The following CACNA1C variants were observed in gnomAD, a reference collection of about 807,000 sequenced individuals.
The protein encoded by CACNA1C is calcium voltage-gated channel subunit alpha1 C.
A neutral mutation model predicts 229.0 loss-of-function variants in CACNA1C; 30 were observed. That is an observed-to-expected ratio of 0.13 (90% CI 0.10 to 0.18). The LOEUF is 0.18. Ranked by LOEUF, CACNA1C falls within the 10% of genes least tolerant of loss-of-function variation. The pLI is 1.00. For synonymous variants in CACNA1C, 1,114 were observed against 1,132.5 expected, an observed-to-expected ratio of 0.98 and a Z score of 0.33; for missense variants, 1,658 against 2,845.0, an observed-to-expected ratio of 0.58 and a Z score of 9.49.
At chr12:2,426,945 T>A (rs2099038167) in intron 3 of CACNA1C, among the ~76,000 whole-genome samples, 1 of 152,234 alleles carries the variant, frequency 6.6e-6, no homozygotes, top group African/African-American at 2.4e-5. Context: ...TCCACCATAT[T>A]CTTTTGGTCA....
chr12:2,120,692 G>GTGTGTGTGTGTGTT (rs764879260), intron 3 of CACNA1C, among the ~76,000 whole-genome samples: 2,428 of 150,538 alleles, frequency 0.016, 33 homozygotes, highest in East Asian at 0.047. Flanking sequence ...GTGTGTGTGT[G>GTGTGTGTGTGTGTT]TGTGTTTAGT....
At chr12:2,565,491 A>G (rs1568456194) in intron 11 of CACNA1C, among the ~76,000 whole-genome samples, 1 of 151,620 alleles carries the variant, frequency 6.6e-6, no homozygotes, top group Admixed American at 6.6e-5. Context: ...AAAAAAAAAA[A>G]AAAAATACCC....
At chr12:2,485,864 T>G (rs957343063) in intron 5 of CACNA1C, among the ~76,000 whole-genome samples, 7 of 152,192 alleles carry the variant, frequency 4.6e-5, no homozygotes, top group African/African-American at 1.7e-4. Context: ...CCCTTGGAAG[T>G]ACAGCAGCTG....
intron 3 of CACNA1C, among the ~76,000 whole-genome samples, chr12:2,261,228 T>C (rs1345506769): frequency 1.3e-5 from 2 of 150,378 alleles, no homozygotes; most frequent in African/African-American, 4.9e-5. Flanking sequence ...CGAGACTCCG[T>C]CTCAAAAAAA....
At chr12:2,543,703 C>T (rs180833083) in intron 9 of CACNA1C, among the ~76,000 whole-genome samples, 1 of 152,146 alleles carries the variant, frequency 6.6e-6, no homozygotes, top group Non-Finnish European at 1.5e-5. Context: ...CTTATGTGAA[C>T]CATCCAGGGA....
intron 34 of CACNA1C, among the ~76,000 whole-genome samples, chr12:2,661,316 A>ACAC (rs1569115699): frequency 2.3e-5 from 3 of 128,496 alleles, no homozygotes; most frequent in East Asian, 2.3e-4. Flanking sequence ...CACACACACA[A>ACAC]GATTTTTCTA....
Position 2,602,367 on chromosome 12 carries a change from A to G in CACNA1C, c.2960+407A>G, listed in dbSNP as rs2072881510. Among the ~76,000 whole-genome samples, 1 of 151,926 alleles carries G rather than the reference A, an allele frequency of 6.6e-6. No individual in the cohort carries two copies. Among genetic ancestry groups the G allele is most frequent in the South Asian group, 2.1e-4 (1 of 4,814 alleles). On this transcript the variant is annotated intron_variant, in intron 22 of 46. Transcript: ENST00000399655. The surrounding 1 kb of genome is among the most constrained non-coding windows in gnomAD (Gnocchi z 4.4). ...CTCCCTTTCTCTCCCCTCTCTCTCC[A>G]GCCAAAGCACCTCATGTATGAGTGT... is the stretch of plus-strand genomic sequence containing the variant.
intron 1 of CACNA1C, among the ~76,000 whole-genome samples, chr12:2,107,900 G>T (rs564538040): frequency 1.7e-3 from 258 of 152,300 alleles, no homozygotes; most frequent in Middle Eastern, 6.8e-3. Flanking sequence ...CAAGGACTTT[G>T]TCTTAATACA....
intron 12 of CACNA1C, among the ~76,000 whole-genome samples, chr12:2,567,232 G>T (rs2051543969): frequency 6.6e-6 from 1 of 152,196 alleles, no homozygotes; most frequent in South Asian, 2.1e-4. Flanking sequence ...TGTTTGGCCT[G>T]CACAGGCTAC....
At position 2,177,290 on chromosome 12, in the gene CACNA1C, C is replaced by T. The variant is rs904981936; in HGVS notation, c.477+56860C>T. Among the ~76,000 whole-genome samples, 15 of 152,170 alleles carry T rather than the reference C, an allele frequency of 9.9e-5. 1 individual carries two copies. Among genetic ancestry groups the T allele is most frequent in the Non-Finnish European group, 1.9e-4 (13 of 68,034 alleles). On this transcript the variant is annotated intron_variant, in intron 3 of 46. Coordinates refer to ENST00000399655, the MANE Select transcript of CACNA1C (RefSeq NM_000719.7). ...CTGCTCCCGTTGTTCGTCTTCTCCTCTGGGTTTGTATATGCAGTGAAAGTA... is the reference window on the plus strand; with the variant it reads ...CTGCTCCCGTTGTTCGTCTTCTCCTTTGGGTTTGTATATGCAGTGAAAGTA...
At chr12:2,269,874 AG>A (rs1344164522) in intron 3 of CACNA1C, 1 of 152,246 alleles carries the variant, frequency 6.6e-6, no homozygotes, top group Non-Finnish European at 1.5e-5. Context: ...TGTAGCTGGG[AG>A]GAGGACCATG....
rs557949592 is a variant in CACNA1C, at chr12:2,355,767, G to A, written c.478-93209G>A. Among the ~76,000 whole-genome samples, 356 of 152,304 alleles carry A rather than the reference G, an allele frequency of 2.3e-3. 1 individual carries two copies. Among genetic ancestry groups the A allele is most frequent in the Non-Finnish European group, 4.0e-3 (275 of 68,020 alleles). On this transcript the variant is annotated intron_variant, in intron 3 of 46. Transcript: ENST00000399655. ...CAGATTTGGTTTTCACAACTGAAAG[G>A]GGAGCTACTGGCATCTAGCGGGTAG...
intron 3 of CACNA1C, among the ~76,000 whole-genome samples, chr12:2,362,388 T>C (rs1361058192): frequency 6.6e-6 from 1 of 152,212 alleles, no homozygotes; most frequent in Non-Finnish European, 1.5e-5. Flanking sequence ...CGTGGGCCTG[T>C]GGCTCGGGAT....
chr12:2,526,637 C>G (rs1029126875), intron 9 of CACNA1C, among the ~76,000 whole-genome samples: 2 of 152,226 alleles, frequency 1.3e-5, no homozygotes, highest in Admixed American at 1.3e-4. Context: ...CAGAGTCATC[C>G]CTCCTCAAAG....
At chr12:2,146,496 T>C (rs1008809534) in intron 3 of CACNA1C, among the ~76,000 whole-genome samples, 34 of 151,060 alleles carry the variant, frequency 2.3e-4, no homozygotes, top group Non-Finnish European at 8.9e-5. Flanking sequence ...AAAATGATAA[T>C]GAATGGTACA....
chr12:2,572,799 T>TCTC (rs1279448980), intron 13 of CACNA1C, among the ~76,000 whole-genome samples: 43 of 82,918 alleles, frequency 5.2e-4, no homozygotes, highest in African/African-American at 2.0e-3. Flanking sequence ...CTCCTCCTCC[T>TCTC]CTCCTCCTTC....
intron 1 of CACNA1C, among the ~76,000 whole-genome samples, chr12:2,013,619 T>C (rs577891817): frequency 2.0e-5 from 3 of 152,336 alleles, no homozygotes; most frequent in Non-Finnish European, 2.9e-5. Flanking sequence ...CTGATACTAA[T>C]GCAGGAATCT....
chr12:2,548,088 G>T (rs1275998011), intron 9 of CACNA1C, among the ~76,000 whole-genome samples: 1 of 128,550 alleles, frequency 7.8e-6, no homozygotes, highest in Admixed American at 8.1e-5. Flanking sequence ...AAACCTTTGG[G>T]CTGAGATGGC....
rs561093914 is a variant in CACNA1C at position 2,408,576 on chromosome 12, G to A, written c.478-40400G>A. On this transcript the variant is annotated intron_variant, in intron 3 of 46. Transcript: ENST00000399655. ...AGAACTCTGCTATGTTATTCCTCAG[G>A]TCCTGGGGTTCCCTTCTGGTCTACT... Among the ~76,000 whole-genome samples, 211 of 151,824 alleles carry A rather than the reference G, an allele frequency of 1.4e-3. No homozygotes were observed. The Middle Eastern group carries it at 0.017, about 12-fold the overall frequency.
Sources: allele counts gnomAD v4.1 joint callset (sites outside exome capture counted in the v4.1 genomes callset), GRCh38; gene constraint gnomAD v4.1.1; non-coding constraint Gnocchi (gnomAD v3.1); transcripts MANE v1.5; gene names NCBI Gene and HGNC (gene_info 2026-07-23, HGNC 2026-07-21).